The following MTERF3 variants were observed in gnomAD, a reference collection of about 807,000 sequenced individuals.
MTERF3 encodes mitochondrial transcription termination factor 3.
Under a neutral mutation model 40.5 loss-of-function variants are expected in MTERF3, and 40 were observed. The ratio of observed to expected loss-of-function variants is 0.99; its 90% confidence interval spans 0.77 to 1.29. MTERF3 has a LOEUF of 1.29. Ranked by LOEUF, MTERF3 falls within the 50% of genes most tolerant of loss-of-function variation. MTERF3 has a pLI of 0.00. For missense variants in MTERF3, 452 were observed against 478.2 expected (o/e 0.95, Z 0.51); for synonymous variants, 158 against 166.6 (o/e 0.95, Z 0.40).
At chr8:96,249,972 T>C (rs1296224167) in intron 4 of MTERF3, among the ~76,000 whole-genome samples, 1 of 152,206 alleles carries the variant, frequency 6.6e-6, no homozygotes, top group African/African-American at 2.4e-5. Context: ...GGGGCGACGA[T>C]GAATTCAACA....
At chr8:96,246,645 C>T (rs1810027176) in intron 4 of MTERF3, among the ~76,000 whole-genome samples, 191 bp from the exon 5 acceptor site, 1 of 152,214 alleles carries the variant, frequency 6.6e-6, no homozygotes. Context: ...ATTCACCCAA[C>T]TCTAGATGGT....
intron 3 of MTERF3, among the ~76,000 whole-genome samples, chr8:96,255,051 C>T (rs527471746): frequency 6.2e-4 from 95 of 152,268 alleles, no homozygotes; most frequent in African/African-American, 2.2e-3. Flanking sequence ...GAAGCCAAAT[C>T]AGGAAAAGCT....
chr8:96,243,851 C>T (rs1809972210), intron 7 of MTERF3, 68 bp downstream of exon 7: 4 of 1,504,692 alleles, frequency 2.7e-6, no homozygotes, highest in Non-Finnish European at 3.7e-6. Context: ...CAGAACTATG[C>T]AGCTGGAGAG....
intron 3 of MTERF3, among the ~76,000 whole-genome samples, chr8:96,255,193 C>T (rs900055601): frequency 6.6e-6 from 1 of 152,142 alleles, no homozygotes; most frequent in East Asian, 1.9e-4. Context: ...AGATAGGAGG[C>T]TCCTGCAGCC....
chr8:96,257,594 C>T (rs946745360), intron 2 of MTERF3, among the ~76,000 whole-genome samples: 4 of 152,196 alleles, frequency 2.6e-5, no homozygotes, highest in African/African-American at 7.2e-5. Flanking sequence ...ATTGTTTCTA[C>T]AACCTGCAGT....
intron 3 of MTERF3, among the ~76,000 whole-genome samples, chr8:96,251,722 T>G (rs1049504807): frequency 3.3e-5 from 5 of 152,148 alleles, no homozygotes; most frequent in Admixed American, 1.3e-4. Context: ...AACCTCCACA[T>G]TTAAAACTTC....
intron 6 of MTERF3, among the ~76,000 whole-genome samples, 184 bp from the exon 7 acceptor site, chr8:96,244,264 A>G (rs1809982676): frequency 6.6e-6 from 1 of 151,842 alleles, no homozygotes. Flanking sequence ...GAATGCCACC[A>G]CACCTGGCTA....
intron 4 of MTERF3, 122 bp downstream of exon 4, chr8:96,250,784 C>T (rs1247227862): frequency 9.6e-6 from 8 of 830,374 alleles, no homozygotes; most frequent in Non-Finnish European, 1.4e-5. Flanking sequence ...AGGTCTATAA[C>T]AAAAAAAATT....
chr8:96,239,402 T>A lies in MTERF3; in HGVS notation c.*89A>T. On this transcript the variant is annotated 3_prime_UTR_variant, in exon 8 of 8. Coordinates refer to ENST00000287025, the MANE Select transcript of MTERF3 (RefSeq NM_015942.5). ...TTACAGTATCAAATGGTTTCCAATA[T>A]CAGTTGAGACCCGAGGCATTTAAAA... The A allele has an allele frequency of 9.8e-7, 1 of 1,023,558 alleles. No individual in the cohort carries two copies. The allele number at this position is 1,023,558 out of a possible 1,614,324, so 63.4% of individuals were successfully genotyped here. A position where few individuals can be genotyped will look rare whatever the true frequency, so the allele number is the denominator to read the frequency against.
At chr8:96,240,307 T>C (rs983950445) in intron 7 of MTERF3, among the ~76,000 whole-genome samples, 2 of 151,972 alleles carry the variant, frequency 1.3e-5, no homozygotes, top group Non-Finnish European at 2.9e-5. Flanking sequence ...ATCAGCAACT[T>C]TGAGAGCAGA....
chr8:96,250,647 G>GA lies in MTERF3; in HGVS notation c.677+258dup, dbSNP rs1374036912. Among the ~76,000 whole-genome samples, 4 of 25,106 alleles carry GA rather than the reference G, an allele frequency of 1.6e-4. 1 individual carries two copies. Among genetic ancestry groups the GA allele is most frequent in the East Asian group, 7.1e-4 (1 of 1,412 alleles). 16.5% of individuals were successfully genotyped at this position (25,106 alleles called of 152,430 possible). On this transcript the variant is annotated intron_variant, in intron 4 of 7. Transcript: ENST00000287025. ...AGAAGAAGAAGAAGAAGAAGAAGAA[G>GA]AAGAAGAAGAAGAAGAAGAAGAAGA...
chr8:96,253,252 CA>C (rs1195700917), intron 3 of MTERF3, among the ~76,000 whole-genome samples: 3 of 152,056 alleles, frequency 2.0e-5, no homozygotes, highest in Admixed American at 2.0e-4. Flanking sequence ...GCCTTCCCAA[CA>C]ATAAAGAGAC....
intron 1 of MTERF3, among the ~76,000 whole-genome samples, chr8:96,260,828 T>A (rs1277118143): frequency 1.3e-5 from 2 of 152,230 alleles, no homozygotes; most frequent in Non-Finnish European, 2.9e-5. Context: ...CATCCCTGGA[T>A]CCATCCTTCC....
rs142151098 is a variant in MTERF3 at position 96,255,863 on chromosome 8, C to T, written c.487+1099G>A. Among the ~76,000 whole-genome samples, 278 of 152,194 alleles carry T rather than the reference C, an allele frequency of 1.8e-3. 2 individuals carry two copies. Among genetic ancestry groups the T allele is most frequent in the Non-Finnish European group, 3.2e-3 (217 of 67,996 alleles). ...ACAGCCTTATCGGAGAGGAGAAAGA[C>T]GACACTGAAATGCCTGCAAATGAGA... On this transcript the variant is annotated intron_variant, in intron 3 of 7. Coordinates refer to ENST00000287025, the MANE Select transcript of MTERF3 (RefSeq NM_015942.5).
At chr8:96,246,070 G>C in intron 5 of MTERF3, 139 bp from the exon 6 acceptor site, 1 of 857,812 alleles carries the variant, frequency 1.2e-6, no homozygotes, top group African/African-American at 1.7e-5. Flanking sequence ...CCCAGGAATA[G>C]ATAAGATTAA....
At chr8:96,260,290 C>T (rs979132959) in intron 1 of MTERF3, 7 of 152,178 alleles carry the variant, frequency 4.6e-5, no homozygotes, top group African/African-American at 1.7e-4. Flanking sequence ...GGAAATGGGA[C>T]TCCAAATGTG....
intron 7 of MTERF3, 157 bp from the exon 8 acceptor site, chr8:96,239,842 T>G (rs1299698006): frequency 1.4e-6 from 1 of 708,296 alleles, no homozygotes; most frequent in African/African-American, 1.7e-5. Context: ...AATCCTATAT[T>G]TTCTGTGAAG....
chr8:96,251,930 C>A (rs971678298), intron 3 of MTERF3, among the ~76,000 whole-genome samples: 3 of 152,148 alleles, frequency 2.0e-5, no homozygotes, highest in Admixed American at 1.3e-4. Context: ...CATCTTGAAT[C>A]CCCATGTGTC....
intron 3 of MTERF3, among the ~76,000 whole-genome samples, chr8:96,255,683 AACAGAGC>A (rs1387361136): frequency 6.6e-6 from 1 of 151,878 alleles, no homozygotes; most frequent in Non-Finnish European, 1.5e-5. Context: ...CAAAGTTTCT[AACAGAGC>A]ACAGATTTTT....
Sources: gnomAD v4.1 joint callset for allele counts (sites outside exome capture counted in the v4.1 genomes callset) on GRCh38, gnomAD v4.1.1 for gene constraint, MANE v1.5 for transcripts, NCBI Gene and HGNC (gene_info 2026-07-23, HGNC 2026-07-21) for gene names.